The following UBAP1L variants were observed in gnomAD, a reference collection of about 807,000 sequenced individuals.
The protein encoded by UBAP1L is ubiquitin associated protein 1 like.
A neutral mutation model predicts 32.1 loss-of-function variants in UBAP1L; 32 were observed. That is an observed-to-expected ratio of 1.00 (90% confidence interval 0.75 to 1.34). The LOEUF (loss-of-function observed/expected upper bound fraction) is 1.34. Among genes scored for constraint, UBAP1L ranks in the 40% most tolerant of loss-of-function variants. The pLI, the probability that UBAP1L is intolerant of heterozygous loss-of-function variation, is 0.00. For synonymous variants in UBAP1L, 243 were observed against 250.2 expected, an observed-to-expected ratio of 0.97 and a Z score of 0.27; for missense variants, 516 against 540.5, an observed-to-expected ratio of 0.95 and a Z score of 0.45.
chr15:65,106,449 T>C, intron 1 of UBAP1L, 61 bp from the exon 2 acceptor site: 1 of 440,924 alleles, frequency 2.3e-6, no homozygotes, highest in South Asian at 4.2e-5. Flanking sequence ...AATTCACTAT[T>C]TCATATTTCA....
rs548787735 is a variant in UBAP1L, at chr15:65,110,759, TATA to T, written c.-173-4374_-173-4372del. Among the ~76,000 whole-genome samples the T allele has an allele frequency of 4.0e-5, 6 of 151,716 alleles. No homozygotes were observed. In the South Asian group the frequency reaches 6.3e-4, roughly 16 times the overall value. ...CACAGAATTTAAGCTCACGACTGCC[TATA>T]ATAATACACTTGAATCTAGACTTCT... On this transcript the variant is annotated intron_variant, in intron 1 of 5. Transcript: ENST00000559089.
In UBAP1L at chr15:65,094,765, G is replaced by T; in HGVS notation, c.910-189C>A. Reference sequence around the variant, plus strand: ...TAGAGGCTTTCTCTGAGTGCCTGGCGATAGGCAGACAATGGGTCTTCACCA... The same window carrying T: ...TAGAGGCTTTCTCTGAGTGCCTGGCTATAGGCAGACAATGGGTCTTCACCA... On this transcript the variant is annotated intron_variant, in intron 4 of 5. Transcript: ENST00000559089. This position sits in a 1 kb window ranked among gnomAD's most constrained non-coding sequence, Gnocchi z 4.2. 1.6e-6 allele frequency: 1 copy of T among 608,412 alleles called. No individual in the cohort carries two copies. The highest frequency in any genetic ancestry group is 2.9e-6 in the Non-Finnish European group (1 of 339,092). 37.7% of individuals were successfully genotyped at this position (608,412 alleles called of 1,614,324 possible).
intron 2 of UBAP1L, among the ~76,000 whole-genome samples, chr15:65,103,646 G>A (rs534292846): frequency 1.3e-5 from 2 of 152,306 alleles, no homozygotes; most frequent in East Asian, 3.9e-4. Context: ...TTGGGGAGAG[G>A]AGCATAAGTT....
intron 1 of UBAP1L, among the ~76,000 whole-genome samples, chr15:65,109,482 C>CAAAA (rs571155403): frequency 3.5e-4 from 22 of 63,084 alleles, no homozygotes; most frequent in Admixed American, 8.9e-4. Context: ...GAATCTGTCT[C>CAAAA]AAAAAAAAAA....
intron 2 of UBAP1L, chr15:65,104,927 A>T (rs969911592): frequency 2.2e-5 from 9 of 413,952 alleles, no homozygotes; most frequent in Middle Eastern, 7.7e-4. Context: ...GAATCACTTG[A>T]ACCGAGGAGT....
At chr15:65,096,006 G>A (rs371486286) in intron 4 of UBAP1L, 11 of 152,254 alleles carry the variant, frequency 7.2e-5, no homozygotes, top group Admixed American at 2.6e-4. Flanking sequence ...TGCCTTGTCC[G>A]GGGTCCCAGG....
chr15:65,099,801 C>G (rs2087220048), intron 3 of UBAP1L, 87 bp from the exon 4 acceptor site: 2 of 1,159,932 alleles, frequency 1.7e-6, no homozygotes, highest in Non-Finnish European at 2.4e-6. Flanking sequence ...CCTTTATGTA[C>G]CACCTTCTGT....
rs2087254629 is a variant in UBAP1L, at chr15:65,102,406, CG to C, written c.398del (p.Pro133ArgfsTer52). The C allele has an allele frequency of 7.0e-7, 1 of 1,428,310 alleles. No homozygotes were observed. The allele number at this position is 1,428,310 out of a possible 1,614,324, so 88.5% of individuals were successfully genotyped here. On this transcript the variant is annotated frameshift_variant, in exon 3 of 6. Transcript: ENST00000559089. LOFTEE classifies it high-confidence loss of function. This position sits in a 1 kb window ranked among gnomAD's most constrained non-coding sequence, Gnocchi z 5.0. Reference sequence around the variant, plus strand: ...GGCGACGGCCGGGGCCGGGGCTCGCCGGGGAGCCCGGTTGGAGGCTGCTGGG... The same window carrying C: ...GGCGACGGCCGGGGCCGGGGCTCGCCGGGAGCCCGGTTGGAGGCTGCTGGG... ...PAPSSLQPGS[P>X]ASPGPGRRLC... is the part of the protein sequence containing the mutation.
chr15:65,100,121 G>A (rs1228884581), intron 3 of UBAP1L: 2 of 155,678 alleles, frequency 1.3e-5, no homozygotes, highest in Non-Finnish European at 2.8e-5. Flanking sequence ...GCACATGCCT[G>A]TAATCCCAGC....
At chr15:65,101,518 A>C (rs1430158203) in intron 3 of UBAP1L, 1 of 152,300 alleles carries the variant, frequency 6.6e-6, no homozygotes, top group Non-Finnish European at 1.5e-5. Context: ...CCCGCTGTAC[A>C]GTTCAGGGCC....
At chr15:65,113,763 A>G (rs1425465749) in intron 1 of UBAP1L, among the ~76,000 whole-genome samples, 1 of 152,198 alleles carries the variant, frequency 6.6e-6, no homozygotes, top group Non-Finnish European at 1.5e-5. Context: ...TAAAAAGAAA[A>G]GAAAAGAAAA....
At chr15:65,105,256 C>A (rs747728276) in intron 2 of UBAP1L, among the ~76,000 whole-genome samples, 4 of 152,078 alleles carry the variant, frequency 2.6e-5, no homozygotes, top group Non-Finnish European at 4.4e-5. Context: ...GGGAGGATCA[C>A]TAGAGCCCAG....
Position 65,094,543 on chromosome 15 carries a change from A to G in UBAP1L, c.943T>C (p.Leu315=). 1 of 1,551,504 alleles carries G rather than the reference A, an allele frequency of 6.4e-7. No individual in the cohort carries two copies. The highest frequency in any genetic ancestry group is 8.7e-7 in the Non-Finnish European group (1 of 1,146,978). Residue 315 remains leucine, a synonymous_variant, in exon 5 of 6, where the codon TTA becomes CTA. Transcript: ENST00000559089. This position sits in a 1 kb window ranked among gnomAD's most constrained non-coding sequence, Gnocchi z 4.2. ...LSYLSACDRL[L]RQGYEEGLVD... is the part of the protein sequence containing the mutation. ...AGGCCTTCCTCATATCCCTGACGTA[A>G]CAGGCGGTCACAGGCACTGAGGTAG...
intron 1 of UBAP1L, among the ~76,000 whole-genome samples, chr15:65,111,866 C>CT (rs1339977697): frequency 6.6e-6 from 1 of 151,796 alleles, no homozygotes; most frequent in African/African-American, 2.4e-5. Flanking sequence ...TCTGGGCTCA[C>CT]TGCAAGCTCC....
rs537219273 is a variant in UBAP1L, at chr15:65,102,294, G to A, written c.511C>T (p.Pro171Ser). Reference sequence around the variant, plus strand: ...CGGAGGCCATGCAGGAGGGCGCGGGGCCGGGAGACCAGCTTCCCCTCGGAG... The same window carrying A: ...CGGAGGCCATGCAGGAGGGCGCGGGACCGGGAGACCAGCTTCCCCTCGGAG... ...RLSEGKLVSRPRALLHGLRGH... is the reference protein window; with the variant it reads ...RLSEGKLVSRSRALLHGLRGH... Residue 171 changes from proline to serine, a missense_variant, in exon 3 of 6, where the codon CCC becomes TCC. Physicochemically the swap from Pro to Ser is moderately conservative, Grantham distance 74. Transcript: ENST00000559089. This position sits in a 1 kb window ranked among gnomAD's most constrained non-coding sequence, Gnocchi z 5.0. 1.8e-5 allele frequency: 25 copies of A among 1,408,770 alleles called. No homozygotes were observed. In the South Asian group the frequency reaches 3.0e-4, roughly 17 times the overall value. The allele number at this position is 1,408,770 out of a possible 1,614,324, so 87.3% of individuals were successfully genotyped here.
intron 4 of UBAP1L, chr15:65,098,552 T>C (rs1279572053): frequency 6.6e-6 from 1 of 152,062 alleles, no homozygotes; most frequent in Non-Finnish European, 1.5e-5. Context: ...ACCAATAGAA[T>C]GAGGTGGAAG....
At chr15:65,105,629 T>A in intron 2 of UBAP1L, 1 of 662,748 alleles carries the variant, frequency 1.5e-6, no homozygotes. Context: ...CTCGTGAAAC[T>A]GTCCAGGCCA....
chr15:65,099,373 T>C (rs769170237), intron 4 of UBAP1L, 132 bp downstream of exon 4: 50 of 947,330 alleles, frequency 5.3e-5, no homozygotes, highest in Admixed American at 9.4e-5. Flanking sequence ...TGAGGGGCCA[T>C]AGATGCTCCA....
chr15:65,101,542 C>T (rs2087239558), intron 3 of UBAP1L: 1 of 152,330 alleles, frequency 6.6e-6, no homozygotes, highest in Non-Finnish European at 1.5e-5. Flanking sequence ...TCCCACAACC[C>T]TCTTGGCCAA....
Sources: allele counts gnomAD v4.1 joint callset (sites outside exome capture counted in the v4.1 genomes callset), GRCh38; gene constraint gnomAD v4.1.1; non-coding constraint Gnocchi (gnomAD v3.1); transcripts MANE v1.5; gene names NCBI Gene and HGNC (gene_info 2026-07-23, HGNC 2026-07-21).